SLC5A10: variants seen among roughly 807,000 people sequenced by gnomAD.
SLC5A10 encodes sodium/mannose cotransporter SLC5A10.
A neutral mutation model predicts 68.9 loss-of-function variants in SLC5A10; 55 were observed. The ratio of observed to expected loss-of-function variants is 0.80; its 90% CI spans 0.64 to 1.00. The LOEUF (loss-of-function observed/expected upper bound fraction) is 1.00, where lower values mean the gene tolerates loss of function less well. Ranked by LOEUF, SLC5A10 falls within the 50% of genes least tolerant of loss-of-function variation. The pLI is 0.00. For synonymous variants in SLC5A10, 344 were observed against 344.8 expected, an observed-to-expected ratio of 1.00 and a Z score of 0.02; for missense variants, 732 against 819.3, an observed-to-expected ratio of 0.89 and a Z score of 1.30.
chr17:19,007,193 AT>A (rs36006919), intron 9 of SLC5A10, among the ~76,000 whole-genome samples: 5,719 of 133,598 alleles, frequency 0.043, 183 homozygotes, highest in African/African-American at 0.11. Context: ...TGTTACCGCT[AT>A]TTTTTTTTTT....
At chr17:19,016,942 C>G (rs2044152839) in intron 11 of SLC5A10, among the ~76,000 whole-genome samples, 1 of 152,172 alleles carries the variant, frequency 6.6e-6, no homozygotes, top group Non-Finnish European at 1.5e-5. Context: ...CCTGTACCTG[C>G]CCAGTGGCCC....
At chr17:18,985,398 C>T (rs1257392026) in intron 9 of SLC5A10, among the ~76,000 whole-genome samples, 1 of 152,224 alleles carries the variant, frequency 6.6e-6, no homozygotes, top group Non-Finnish European at 1.5e-5. Flanking sequence ...GCACCTGACA[C>T]CCCAAGGTCA....
intron 5 of SLC5A10, among the ~76,000 whole-genome samples, chr17:18,967,188 G>C (rs2042728501): frequency 1.3e-5 from 2 of 152,166 alleles, no homozygotes; most frequent in African/African-American, 2.4e-5. Flanking sequence ...ACACCTACTG[G>C]GCCTCTAGCA....
chr17:18,958,641 T>G, intron 1 of SLC5A10, 41 bp from the exon 2 acceptor site: 1 of 1,593,148 alleles, frequency 6.3e-7, no homozygotes, highest in Non-Finnish European at 8.6e-7. Flanking sequence ...CCAGCAGCAG[T>G]GTGCGGGCTT....
chr17:18,959,762 G>A, intron 4 of SLC5A10, 99 bp downstream of exon 4: 1 of 1,084,530 alleles, frequency 9.2e-7, no homozygotes, highest in South Asian at 1.3e-5. Flanking sequence ...TCAGGAGTTG[G>A]TAAACTCTTA....
intron 1 of SLC5A10, 62 bp from the exon 2 acceptor site, chr17:18,958,620 C>T: frequency 6.6e-7 from 1 of 1,504,356 alleles, no homozygotes; most frequent in Non-Finnish European, 9.2e-7. Flanking sequence ...AGCCGTTTCC[C>T]ATTCGACTTC....
chr17:18,974,285 C>T (rs985006324), intron 8 of SLC5A10, among the ~76,000 whole-genome samples: 17 of 152,256 alleles, frequency 1.1e-4, no homozygotes, highest in African/African-American at 3.1e-4. Flanking sequence ...CTTGGCCTCC[C>T]AAAGTGCTGG....
chr17:18,987,106 A>C (rs569616155), intron 9 of SLC5A10, among the ~76,000 whole-genome samples: 1 of 152,336 alleles, frequency 6.6e-6, no homozygotes, highest in East Asian at 1.9e-4. Context: ...AAATGCTGAC[A>C]AATTACAGGC....
chr17:19,017,246 G>A lies in SLC5A10; in HGVS notation c.1241+2047G>A, dbSNP rs2044158594. The A allele has an allele frequency of 2.6e-6, 4 of 1,535,044 alleles. No homozygotes were observed. The highest frequency in any genetic ancestry group is 1.4e-5 in the African/African-American group (1 of 72,792). On this transcript the variant is annotated intron_variant, in intron 11 of 14. Transcript: ENST00000395645. The surrounding 1 kb of genome is among the most constrained non-coding windows in gnomAD (Gnocchi z 5.6). ...GAGCAGAAAGGGCCCCGTGCCAGGT[G>A]TCAGGCTGGCCAGCTCAACTTCCCG... is the stretch of plus-strand genomic sequence containing the variant.
In SLC5A10 at chr17:18,968,548, G is replaced by A. The variant is rs1219927811; in HGVS notation, c.454-504G>A. 6.6e-6 allele frequency among the ~76,000 whole-genome samples: 1 copy of A among 152,186 alleles called. No individual in the cohort carries two copies. Reference sequence around the variant, plus strand: ...GAGACCCAGCCTCTGAGCCACTATTGGCTTCAGTTCCAAACCCACTGGGGG... The same window carrying A: ...GAGACCCAGCCTCTGAGCCACTATTAGCTTCAGTTCCAAACCCACTGGGGG... On this transcript the variant is annotated intron_variant, in intron 5 of 14. Transcript: ENST00000395645. The surrounding 1 kb of genome is among the most constrained non-coding windows in gnomAD (Gnocchi z 4.1).
chr17:18,955,085 CA>C (rs398041580), intron 1 of SLC5A10, among the ~76,000 whole-genome samples: 4,779 of 118,086 alleles, frequency 0.04, 42 homozygotes, highest in South Asian at 0.14. Context: ...AACACTGTAT[CA>C]AAAAAAAAAA....
Position 18,969,035 on chromosome 17 carries a change from GCTCT to G in SLC5A10, c.454-13_454-10del, listed in dbSNP as rs752247324. 1 of 1,607,004 alleles carries G rather than the reference GCTCT, an allele frequency of 6.2e-7. No individual in the cohort carries two copies. Among genetic ancestry groups the G allele is most frequent in the Non-Finnish European group, 8.5e-7 (1 of 1,176,746 alleles). ...CCTGGGAATAACAGTCCCACACAAG[GCTCT>G]CTCCCTCCGCAGCTGGACCTGTACG... On this transcript the variant is annotated splice_polypyrimidine_tract_variant and intron_variant, in intron 5 of 14. Coordinates refer to ENST00000395645, the MANE Select transcript of SLC5A10 (RefSeq NM_001042450.4).
Position 19,020,425 on chromosome 17 carries a change from C to T in SLC5A10, c.1785C>T (p.Phe595=), listed in dbSNP as rs764178185. The T allele has an allele frequency of 2.0e-5, 32 of 1,613,640 alleles. No individual in the cohort carries two copies. Among genetic ancestry groups the T allele is most frequent in the Middle Eastern group, 1.6e-4 (1 of 6,070 alleles). The change falls in exon 15 of 15, where the codon TTC becomes TTT. Residue 595 remains phenylalanine (F), a synonymous_variant. Coordinates refer to ENST00000395645, the MANE Select transcript of SLC5A10 (RefSeq NM_001042450.4). ...TCAACATATTCTTTTATGCCTACTTCGCCTGACACTGCCATCCTGGACAGA... is the reference window on the plus strand; with the variant it reads ...TCAACATATTCTTTTATGCCTACTTTGCCTGACACTGCCATCCTGGACAGA... The part of the protein sequence containing the change: ...MCVNIFFYAY[F]A
At chr17:18,989,375 G>C (rs922324840) in intron 9 of SLC5A10, among the ~76,000 whole-genome samples, 1 of 152,224 alleles carries the variant, frequency 6.6e-6, no homozygotes, top group African/African-American at 2.4e-5. Context: ...TGCTGGGGAT[G>C]TGTCTGCACG....
chr17:19,002,661 C>A (rs866572386), intron 9 of SLC5A10, among the ~76,000 whole-genome samples: 2 of 152,206 alleles, frequency 1.3e-5, no homozygotes, highest in Non-Finnish European at 2.9e-5. Context: ...TGAGAAGGTA[C>A]TTACGTGCAG....
At chr17:18,986,438 ACCC>A (rs1342337393) in intron 9 of SLC5A10, 1 of 152,114 alleles carries the variant, frequency 6.6e-6, no homozygotes, top group African/African-American at 2.4e-5. Context: ...TTTAGGCGCC[ACCC>A]CTAAATTGGT....
intron 9 of SLC5A10, among the ~76,000 whole-genome samples, chr17:19,011,083 T>C (rs895761915): frequency 6.6e-6 from 1 of 152,226 alleles, no homozygotes; most frequent in African/African-American, 2.4e-5. Context: ...AGGCGATACC[T>C]GGGACTTGGA....
At chr17:18,978,264 T>A in intron 9 of SLC5A10, 1 of 1,608,148 alleles carries the variant, frequency 6.2e-7, no homozygotes, top group Non-Finnish European at 8.5e-7. Context: ...CGGGGCCTGC[T>A]GTCCTGGCTC....
At chr17:18,974,392 G>T (rs1347715220) in intron 8 of SLC5A10, among the ~76,000 whole-genome samples, 1 of 152,224 alleles carries the variant, frequency 6.6e-6, no homozygotes, top group East Asian at 1.9e-4. Flanking sequence ...AAGAGGCAAA[G>T]GGTCCAGTGG....
Sources: allele counts gnomAD v4.1 joint callset (sites outside exome capture counted in the v4.1 genomes callset), GRCh38; gene constraint gnomAD v4.1.1; non-coding constraint Gnocchi (gnomAD v3.1); transcripts MANE v1.5; gene names NCBI Gene and HGNC (gene_info 2026-07-23, HGNC 2026-07-21).